TRIB2: variants seen among roughly 807,000 people sequenced by gnomAD.
TRIB2 encodes tribbles homolog 2.
A neutral mutation model predicts 26.8 loss-of-function variants in TRIB2; 2 were observed. That is an observed-to-expected ratio of 0.07 (90% CI 0.03 to 0.24). The LOEUF is 0.24. Ranked by LOEUF, TRIB2 falls within the 10% of genes least tolerant of loss-of-function variation. The pLI is 1.00. For missense variants in TRIB2, 306 were observed against 449.0 expected (o/e 0.68, Z 2.88); for synonymous variants, 189 against 187.3 (o/e 1.01, Z -0.08).
chr2:12,737,943 G>C (rs1438154391), intron 2 of TRIB2, among the ~76,000 whole-genome samples: 2 of 152,174 alleles, frequency 1.3e-5, no homozygotes, highest in Non-Finnish European at 2.9e-5. Flanking sequence ...CCACACAGCA[G>C]GTGAGAGACA....
Position 12,717,165 on chromosome 2 carries a change from C to G in TRIB2, c.-1143C>G. 2.6e-6 allele frequency: 1 copy of G among 390,618 alleles called. No homozygotes were observed. The highest frequency in any genetic ancestry group is 4.5e-6 in the Non-Finnish European group (1 of 221,640). The allele number at this position is 390,618 out of a possible 1,614,324, so 24.2% of individuals were successfully genotyped here. On this transcript the variant is annotated 5_prime_UTR_variant, in exon 1 of 3. Transcript: ENST00000155926. The surrounding 1 kb of genome is among the most constrained non-coding windows in gnomAD (Gnocchi z 4.8). The stretch of plus-strand genomic sequence containing the variant: ...AGCAAGAAATCAAAGAAGGAGGAGA[C>G]AAGCCGTCAATTTTCTCCAAAACAA...
rs1408832050 is a variant in TRIB2 at position 12,718,699 on chromosome 2, GTTTA to G, written c.270+134_270+137del. The stretch of plus-strand genomic sequence containing the variant: ...TAATTACCGTGGCCTTATTAAATGG[GTTTA>G]TTTATTTATTTGCTCAGGTTCGGTA... On this transcript the variant is annotated intron_variant, in intron 1 of 2. Transcript: ENST00000155926. The surrounding 1 kb of genome is among the most constrained non-coding windows in gnomAD (Gnocchi z 4.0). 1.2e-5 allele frequency: 16 copies of G among 1,312,870 alleles called. No individual in the cohort carries two copies. Among genetic ancestry groups the G allele is most frequent in the East Asian group, 2.5e-5 (1 of 40,032 alleles). 81.3% of individuals were successfully genotyped at this position (1,312,870 alleles called of 1,614,324 possible).
At chr2:12,722,077 T>C (rs1661232140) in intron 1 of TRIB2, among the ~76,000 whole-genome samples, 1 of 152,210 alleles carries the variant, frequency 6.6e-6, no homozygotes, top group South Asian at 2.1e-4. Flanking sequence ...CCCTAAGCTC[T>C]TTATCCATCT....
rs7590994 is a variant in TRIB2, at chr2:12,718,201, C to A, written c.-107C>A. ...GCCCCTCTTCTGTCCCCTCCCCTCT[C>A]GCTCCCTTTTAAAATCAGTGGCACC... On this transcript the variant is annotated 5_prime_UTR_variant, in exon 1 of 3. Transcript: ENST00000155926. The surrounding 1 kb of genome is among the most constrained non-coding windows in gnomAD (Gnocchi z 4.0). 8 of 1,419,134 alleles carry A rather than the reference C, an allele frequency of 5.6e-6. No individual in the cohort carries two copies. The highest frequency in any genetic ancestry group is 7.5e-6 in the Non-Finnish European group (8 of 1,061,632). 87.9% of individuals were successfully genotyped at this position (1,419,134 alleles called of 1,614,324 possible).
rs375488806 is a variant in TRIB2 at position 12,718,553 on chromosome 2, C to T, written c.246C>T (p.His82=). ...GDHVFRAVHL[H]SGEELVCKVF... ...ACGTTTTTCGTGCCGTGCATCTGCACAGCGGAGAGGAGCTGGTGTGCAAGG... is the reference window on the plus strand; with the variant it reads ...ACGTTTTTCGTGCCGTGCATCTGCATAGCGGAGAGGAGCTGGTGTGCAAGG... The change falls in exon 1 of 3, where the codon CAC becomes CAT. Residue 82 remains histidine, a synonymous_variant. Coordinates refer to ENST00000155926, the MANE Select transcript of TRIB2 (RefSeq NM_021643.4). This position sits in a 1 kb window ranked among gnomAD's most constrained non-coding sequence, Gnocchi z 4.0. 12 of 1,614,012 alleles carry T rather than the reference C, an allele frequency of 7.4e-6. No homozygotes were observed. In the African/African-American group the frequency reaches 9.3e-5, roughly 13 times the overall value.
At chr2:12,734,495 C>G (rs554208620) in intron 2 of TRIB2, among the ~76,000 whole-genome samples, 1 of 152,194 alleles carries the variant, frequency 6.6e-6, no homozygotes, top group South Asian at 2.1e-4. Context: ...ACTTGCATTT[C>G]GTGCTTCCTC....
intron 2 of TRIB2, among the ~76,000 whole-genome samples, chr2:12,730,703 A>G (rs1474385381): frequency 6.6e-6 from 1 of 152,176 alleles, no homozygotes; most frequent in Non-Finnish European, 1.5e-5. Flanking sequence ...AGTACTTAGG[A>G]ATGTGTGACC....
intron 2 of TRIB2, among the ~76,000 whole-genome samples, chr2:12,735,916 G>A (rs1168984518): frequency 6.6e-6 from 1 of 152,176 alleles, no homozygotes; most frequent in Non-Finnish European, 1.5e-5. Flanking sequence ...ATGTGGGATG[G>A]TCTTTTCATT....
At chr2:12,729,353 T>A (rs962936098) in intron 2 of TRIB2, among the ~76,000 whole-genome samples, 9 of 152,178 alleles carry the variant, frequency 5.9e-5, no homozygotes, top group African/African-American at 2.2e-4. Context: ...AATGTCTCCT[T>A]TTTTGAGTGG....
At chr2:12,726,895 C>G (rs974100031) in intron 2 of TRIB2, among the ~76,000 whole-genome samples, 1 of 152,180 alleles carries the variant, frequency 6.6e-6, no homozygotes, top group Admixed American at 6.5e-5. Context: ...CCTAAAGTTT[C>G]GATTGTGTGC....
Position 12,740,821 on chromosome 2 carries a change from G to A in TRIB2, c.*27G>A. On this transcript the variant is annotated 3_prime_UTR_variant, in exon 3 of 3. Transcript: ENST00000155926. This position sits in a 1 kb window ranked among gnomAD's most constrained non-coding sequence, Gnocchi z 5.8. Reference sequence around the variant, plus strand: ...CTCATGCCCCACGGAGACTTAGCAGGTTCCAGGAGTGAGCGAGGGCAGCGG... The same window carrying A: ...CTCATGCCCCACGGAGACTTAGCAGATTCCAGGAGTGAGCGAGGGCAGCGG... 2 of 1,592,488 alleles carry A rather than the reference G, an allele frequency of 1.3e-6. No homozygotes were observed. Among genetic ancestry groups the A allele is most frequent in the Non-Finnish European group, 1.7e-6 (2 of 1,166,120 alleles).
intron 2 of TRIB2, among the ~76,000 whole-genome samples, chr2:12,739,492 C>T (rs955158080): frequency 9.9e-5 from 8 of 80,856 alleles, no homozygotes; most frequent in Non-Finnish European, 2.0e-4. Flanking sequence ...ACTCACCCGC[C>T]TTGGCCTCCC....
chr2:12,717,113 G>C lies in TRIB2; in HGVS notation c.-1195G>C, dbSNP rs962002139. ...CGTCCCCTTTAATTTTTAAATACAC[G>C]GTCCCCTCTTTTCTCTGGGGGGGGC... On this transcript the variant is annotated 5_prime_UTR_variant, in exon 1 of 3. Coordinates refer to ENST00000155926, the MANE Select transcript of TRIB2 (RefSeq NM_021643.4). This position sits in a 1 kb window ranked among gnomAD's most constrained non-coding sequence, Gnocchi z 4.8. 6 of 340,984 alleles carry C rather than the reference G, an allele frequency of 1.8e-5. No homozygotes were observed. The highest frequency in any genetic ancestry group is 4.8e-5 in the Admixed American group (1 of 20,886). The allele number at this position is 340,984 out of a possible 1,614,324, so 21.1% of individuals were successfully genotyped here.
Position 12,717,506 on chromosome 2 carries a change from C to G in TRIB2, c.-802C>G. The G allele has an allele frequency of 5.0e-6, 2 of 398,402 alleles. No individual in the cohort carries two copies. The highest frequency in any genetic ancestry group is 3.6e-5 in the East Asian group (1 of 28,068). The allele number at this position is 398,402 out of a possible 1,614,324, so 24.7% of individuals were successfully genotyped here. A position where few individuals can be genotyped will look rare whatever the true frequency, so the allele number is the denominator to read the frequency against. On this transcript the variant is annotated 5_prime_UTR_variant, in exon 1 of 3. Transcript: ENST00000155926. The surrounding 1 kb of genome is among the most constrained non-coding windows in gnomAD (Gnocchi z 4.8). ...GCGGGCCGAGCCCAGGGCTTTGTCG[C>G]GGTACCTGCGCCCAGCCCGCGCCGC...
At chr2:12,738,729 C>T (rs1661641477) in intron 2 of TRIB2, among the ~76,000 whole-genome samples, 1 of 151,732 alleles carries the variant, frequency 6.6e-6, no homozygotes, top group Admixed American at 6.6e-5. Flanking sequence ...GGTCTAGGAG[C>T]TTGGGGCGCT....
chr2:12,721,837 A>C (rs919807048), intron 1 of TRIB2, among the ~76,000 whole-genome samples: 2 of 152,342 alleles, frequency 1.3e-5, no homozygotes, highest in South Asian at 2.1e-4. Context: ...GCTTAGAGCA[A>C]CTTAACTCAT....
intron 1 of TRIB2, among the ~76,000 whole-genome samples, chr2:12,721,943 G>C (rs1485122899): frequency 6.6e-6 from 1 of 152,138 alleles, no homozygotes; most frequent in South Asian, 2.1e-4. Flanking sequence ...ATTTGAGAAC[G>C]GGCATTGTCA....
At chr2:12,729,747 T>C (rs1661415310) in intron 2 of TRIB2, among the ~76,000 whole-genome samples, 1 of 152,212 alleles carries the variant, frequency 6.6e-6, no homozygotes, top group African/African-American at 2.4e-5. Flanking sequence ...GGCTGCTTAC[T>C]GCTTGTACTT....
At chr2:12,729,136 G>C (rs1300277964) in intron 2 of TRIB2, among the ~76,000 whole-genome samples, 3 of 152,136 alleles carry the variant, frequency 2.0e-5, no homozygotes, top group South Asian at 4.2e-4. Context: ...GGGAAGGCTG[G>C]CGAGCCTCCT....
Sources: allele counts gnomAD v4.1 joint callset (sites outside exome capture counted in the v4.1 genomes callset), GRCh38; gene constraint gnomAD v4.1.1; non-coding constraint Gnocchi (gnomAD v3.1); transcripts MANE v1.5; gene names NCBI Gene and HGNC (gene_info 2026-07-23, HGNC 2026-07-21).